PRR5L: variants seen among roughly 807,000 people sequenced by gnomAD.
PRR5L encodes the protein proline rich 5 like.
A neutral mutation model predicts 36.4 loss-of-function variants in PRR5L; 21 were observed. The observed-to-expected ratio is 0.58, with a 90% CI of 0.41 to 0.83. The LOEUF (loss-of-function observed/expected upper bound fraction) is 0.83, where lower values mean the gene tolerates loss of function less well. PRR5L is among the 40% of genes least tolerant of loss of function. PRR5L has a pLI of 0.00. For missense variants in PRR5L, 381 were observed against 473.3 expected, an observed-to-expected ratio of 0.80 and a Z score of 1.81; for synonymous variants, 188 against 197.0, an observed-to-expected ratio of 0.95 and a Z score of 0.38.
chr11:36,327,492 AT>A, intron 1 of PRR5L, among the ~76,000 whole-genome samples: 1 of 152,306 alleles, frequency 6.6e-6, no homozygotes, highest in South Asian at 2.1e-4. Context: ...CCCAAAATAT[AT>A]TTCTTTGACA....
chr11:36,457,808 C>T (rs1392825598), intron 8 of PRR5L, among the ~76,000 whole-genome samples: 1 of 152,170 alleles, frequency 6.6e-6, no homozygotes, highest in Non-Finnish European at 1.5e-5. Context: ...TCCTGCTAGA[C>T]TGGTTGTAGG....
chr11:36,435,708 GT>G (rs1406970320), intron 5 of PRR5L, among the ~76,000 whole-genome samples: 8 of 149,700 alleles, frequency 5.3e-5, no homozygotes, highest in Non-Finnish European at 1.2e-4. Flanking sequence ...TATTACTGAT[GT>G]TTTCTTTATC....
chr11:36,403,511 C>T, intron 3 of PRR5L, 133 bp downstream of exon 3: 2 of 636,164 alleles, frequency 3.1e-6, no homozygotes, highest in Non-Finnish European at 5.4e-6. Flanking sequence ...CTTCTGTCAG[C>T]TATGCTGCTT....
chr11:36,395,961 C>T (rs952349624), intron 1 of PRR5L, among the ~76,000 whole-genome samples: 2 of 152,092 alleles, frequency 1.3e-5, no homozygotes, highest in Non-Finnish European at 2.9e-5. Context: ...ACCTCCTGGG[C>T]TCAAGCAGTC....
intron 1 of PRR5L, among the ~76,000 whole-genome samples, chr11:36,390,196 G>T (rs766702228): frequency 5.9e-5 from 9 of 152,200 alleles, no homozygotes; most frequent in Non-Finnish European, 1.3e-4. Context: ...TGAGGAGAAA[G>T]GAGGGTGTCT....
At chr11:36,451,395 T>C in intron 8 of PRR5L, 60 bp downstream of exon 8, 1 of 1,592,924 alleles carries the variant, frequency 6.3e-7, no homozygotes, top group South Asian at 1.1e-5. Flanking sequence ...CAGCACTGTT[T>C]AACTGAGCAC....
rs1009628007 is a variant in PRR5L at position 36,377,285 on chromosome 11, C to T, written c.-125-23712C>T. 1.3e-5 allele frequency among the ~76,000 whole-genome samples: 2 copies of T among 152,218 alleles called. No homozygotes were observed. On this transcript the variant is annotated intron_variant, in intron 1 of 8. Coordinates refer to ENST00000530639, the MANE Select transcript of PRR5L (RefSeq NM_001160167.2). The surrounding 1 kb of genome is among the most constrained non-coding windows in gnomAD (Gnocchi z 5.1). ...GGACTAGGGTGGGCCAGGGCCCAGC[C>T]AGTGGGGATCCCGCCGGGACGGGCT...
intron 8 of PRR5L, among the ~76,000 whole-genome samples, chr11:36,451,784 C>T (rs140300845): frequency 9.9e-4 from 150 of 152,270 alleles, no homozygotes; most frequent in African/African-American, 3.2e-3. Context: ...CAGATGTTAT[C>T]GAGTTGCTGT....
intron 6 of PRR5L, among the ~76,000 whole-genome samples, chr11:36,439,450 G>T (rs141175476): frequency 6.6e-6 from 1 of 151,946 alleles, no homozygotes; most frequent in Non-Finnish European, 1.5e-5. Flanking sequence ...AATTAATATT[G>T]CCCCTGTTCA....
At chr11:36,304,980 G>A (rs753767031) in intron 1 of PRR5L, among the ~76,000 whole-genome samples, 8 of 152,142 alleles carry the variant, frequency 5.3e-5, no homozygotes, top group Non-Finnish European at 1.0e-4. Context: ...TCCCCAAAAG[G>A]TTAACACAGA....
intron 1 of PRR5L, among the ~76,000 whole-genome samples, chr11:36,353,119 T>C (rs1856992389): frequency 6.6e-6 from 1 of 152,188 alleles, no homozygotes; most frequent in African/African-American, 2.4e-5. Context: ...ACCCACATTG[T>C]AGGATGTTTA....
chr11:36,391,137 T>G (rs946028591), intron 1 of PRR5L, among the ~76,000 whole-genome samples: 2 of 152,242 alleles, frequency 1.3e-5, no homozygotes, highest in African/African-American at 4.8e-5. Flanking sequence ...TTTCTTTGAC[T>G]TCTTTGTTAC....
chr11:36,350,321 ATG>A (rs1400995345), intron 1 of PRR5L, among the ~76,000 whole-genome samples: 1 of 148,076 alleles, frequency 6.8e-6, no homozygotes, highest in Non-Finnish European at 1.5e-5. Flanking sequence ...GTGTGTGTGA[ATG>A]TGTGAGTGTG....
intron 8 of PRR5L, among the ~76,000 whole-genome samples, chr11:36,456,710 T>C (rs912474528): frequency 3.3e-5 from 5 of 152,234 alleles, no homozygotes; most frequent in African/African-American, 1.2e-4. Context: ...TTAGAAGCCA[T>C]CAGTGGAGCA....
At chr11:36,351,472 T>G (rs1856952610) in intron 1 of PRR5L, among the ~76,000 whole-genome samples, 1 of 54,522 alleles carries the variant, frequency 1.8e-5, no homozygotes, top group African/African-American at 6.9e-5. Context: ...TATTTATATA[T>G]ACATATATAT....
chr11:36,361,808 C>T (rs73443190), intron 1 of PRR5L, among the ~76,000 whole-genome samples: 3,629 of 152,150 alleles, frequency 0.024, 140 homozygotes, highest in African/African-American at 0.084. Flanking sequence ...TTTAGAGCAG[C>T]AGGTTCTAGG....
At chr11:36,451,125 G>A in intron 7 of PRR5L, 84 bp from the exon 8 acceptor site, 1 of 1,520,840 alleles carries the variant, frequency 6.6e-7, no homozygotes, top group Non-Finnish European at 9.0e-7. Flanking sequence ...ATTGGAGGAG[G>A]ACAATCAGGA....
intron 1 of PRR5L, among the ~76,000 whole-genome samples, chr11:36,298,339 T>C (rs1373847452): frequency 6.6e-6 from 1 of 152,224 alleles, no homozygotes; most frequent in Non-Finnish European, 1.5e-5. Flanking sequence ...ATTATTACAT[T>C]GTAATATATA....
At chr11:36,306,444 A>T (rs1331276991) in intron 1 of PRR5L, among the ~76,000 whole-genome samples, 1 of 152,108 alleles carries the variant, frequency 6.6e-6, no homozygotes, top group Non-Finnish European at 1.5e-5. Flanking sequence ...ATAGTATTTC[A>T]TGGTGTATAT....
Sources: allele counts gnomAD v4.1 joint callset (sites outside exome capture counted in the v4.1 genomes callset), GRCh38; gene constraint gnomAD v4.1.1; non-coding constraint Gnocchi (gnomAD v3.1); transcripts MANE v1.5; gene names NCBI Gene and HGNC (gene_info 2026-07-23, HGNC 2026-07-21).